Variants in OCA2 observed in about 807,000 individuals in gnomAD.
OCA2 encodes P protein.
Under a neutral mutation model 100.2 loss-of-function variants are expected in OCA2, and 77 were observed. The ratio of observed to expected loss-of-function variants is 0.77; its 90% CI spans 0.64 to 0.93. The LOEUF is 0.93. Among genes scored for constraint, OCA2 ranks in the 40% least tolerant of loss-of-function variants. The pLI is 0.00. For synonymous variants in OCA2, 432 were observed against 439.2 expected, an observed-to-expected ratio of 0.98 and a Z score of 0.21; for missense variants, 1,062 against 1,089.1, an observed-to-expected ratio of 0.98 and a Z score of 0.35.
chr15:27,807,332 T>C (rs540234440), intron 23 of OCA2, among the ~76,000 whole-genome samples: 1 of 152,246 alleles, frequency 6.6e-6, no homozygotes, highest in East Asian at 1.9e-4. Context: ...ACAGGGCAGC[T>C]GGGGGAGTCT....
intron 23 of OCA2, among the ~76,000 whole-genome samples, chr15:27,829,788 G>A (rs2034882831): frequency 6.6e-6 from 1 of 152,218 alleles, no homozygotes; most frequent in South Asian, 2.1e-4. Context: ...CGCCACTTTG[G>A]CTGGTGCAGA....
intron 19 of OCA2, among the ~76,000 whole-genome samples, chr15:27,881,792 C>A (rs2037027607): frequency 6.6e-6 from 1 of 151,886 alleles, no homozygotes. Context: ...TAGCAGTCTA[C>A]CTGTCCTATT....
chr15:27,763,722 T>G (rs2031027305), intron 23 of OCA2, among the ~76,000 whole-genome samples: 2 of 152,212 alleles, frequency 1.3e-5, no homozygotes, highest in South Asian at 4.1e-4. Flanking sequence ...GCAGGGCTGC[T>G]GGGCTGGGAG....
At chr15:27,783,218 A>G (rs2032635556) in intron 23 of OCA2, among the ~76,000 whole-genome samples, 1 of 152,204 alleles carries the variant, frequency 6.6e-6, no homozygotes, top group Non-Finnish European at 1.5e-5. Flanking sequence ...ATGAAAGTGA[A>G]AGTCATTCTT....
At chr15:27,726,216 C>T in the OCA2 span, among the ~76,000 whole-genome samples, 1 of 151,874 alleles carries the variant, frequency 6.6e-6, no homozygotes, top group East Asian at 1.9e-4. Context: ...GAGAATCGCT[C>T]TAATCTGAGA....
chr15:27,740,690 G>T, the OCA2 span, among the ~76,000 whole-genome samples: 1 of 152,266 alleles, frequency 6.6e-6, no homozygotes, highest in East Asian at 1.9e-4. Flanking sequence ...TGATCCTGAT[G>T]ACTGGAATCA....
chr15:27,875,822 G>T (rs1023700997), intron 19 of OCA2, among the ~76,000 whole-genome samples: 1 of 151,498 alleles, frequency 6.6e-6, no homozygotes. Context: ...CCAATTATGC[G>T]CTAGAATATG....
At chr15:28,060,994 T>C (rs2043856393) in intron 2 of OCA2, among the ~76,000 whole-genome samples, 1 of 152,198 alleles carries the variant, frequency 6.6e-6, no homozygotes, top group South Asian at 2.1e-4. Flanking sequence ...AGCAAGTGTT[T>C]AACATCACAG....
At chr15:27,850,904 ACT>A (rs1172600671) in intron 22 of OCA2, among the ~76,000 whole-genome samples, 1 of 151,392 alleles carries the variant, frequency 6.6e-6, no homozygotes, top group African/African-American at 2.4e-5. Context: ...CTCTCCCAAC[ACT>A]CTCTCTAATC....
At chr15:28,003,409 G>A (rs2041988388) in intron 9 of OCA2, among the ~76,000 whole-genome samples, 1 of 152,240 alleles carries the variant, frequency 6.6e-6, no homozygotes, top group African/African-American at 2.4e-5. Context: ...GACGAAAGAT[G>A]GCTCTAGAAG....
At chr15:28,068,484 T>A (rs189927266) in intron 2 of OCA2, among the ~76,000 whole-genome samples, 8 of 152,306 alleles carry the variant, frequency 5.3e-5, no homozygotes, top group Admixed American at 5.2e-4. Context: ...CTGGGCCAGA[T>A]GGATTCATAG....
intron 1 of OCA2, among the ~76,000 whole-genome samples, chr15:28,082,890 C>T (rs1000407529): frequency 2.0e-5 from 3 of 152,118 alleles, no homozygotes; most frequent in African/African-American, 7.2e-5. Flanking sequence ...TAAAGTAATG[C>T]TGTCCTACTT....
intron 23 of OCA2, among the ~76,000 whole-genome samples, chr15:27,835,138 C>T (rs2035100002): frequency 6.6e-6 from 1 of 152,198 alleles, no homozygotes; most frequent in Non-Finnish European, 1.5e-5. Context: ...GGCCTTTGTA[C>T]CACTTAGGGC....
In OCA2 at chr15:27,997,499, G is replaced by A. The variant is rs545484021; in HGVS notation, c.1045-6852C>T. Among the ~76,000 whole-genome samples the A allele has an allele frequency of 2.0e-3, 296 of 151,728 alleles. 2 individuals carry two copies. Among genetic ancestry groups the A allele is most frequent in the African/African-American group, 6.8e-3 (284 of 41,462 alleles). ...GATCAGATAGTTGTAGATATGCGGC[G>A]TTATTTCTGAGGGCTCTGTTCTGTT... On this transcript the variant is annotated intron_variant, in intron 9 of 23. Coordinates refer to ENST00000354638, the MANE Select transcript of OCA2 (RefSeq NM_000275.3).
intron 19 of OCA2, among the ~76,000 whole-genome samples, chr15:27,887,405 G>GC (rs966875908): frequency 4.6e-5 from 7 of 151,328 alleles, no homozygotes; most frequent in African/African-American, 1.2e-4. Flanking sequence ...AGGGGAACAT[G>GC]CCCCCCTGGC....
intron 18 of OCA2, among the ~76,000 whole-genome samples, chr15:27,948,018 C>T (rs1014097838): frequency 6.6e-6 from 1 of 152,144 alleles, no homozygotes; most frequent in Admixed American, 6.5e-5. Flanking sequence ...TTTGTTCGTG[C>T]ATCCTGAGAA....
chr15:27,951,818 G>A lies in OCA2; in HGVS notation c.1917C>T (p.Leu639=). The change falls in exon 18 of 24, where the codon CTC becomes CTT. Residue 639 remains leucine (L), a synonymous_variant. Transcript: ENST00000354638. ...GATGAATGCCAGGGACAAACGAATT[G>A]AGGAAAAACATGAAGATAACAAATC... The part of the protein sequence containing the change: ...VLGFVIFMFF[L]NSFVPGIHLD... 1 of 1,613,678 alleles carries A rather than the reference G, an allele frequency of 6.2e-7. No homozygotes were observed. The highest frequency in any genetic ancestry group is 1.1e-5 in the South Asian group (1 of 91,050).
At chr15:28,032,805 A>AC (rs1394750187) in intron 2 of OCA2, among the ~76,000 whole-genome samples, 17 of 151,824 alleles carry the variant, frequency 1.1e-4, no homozygotes, top group Non-Finnish European at 1.3e-4. Flanking sequence ...AAAAAAAAAA[A>AC]AAAACAAAAC....
At chr15:27,841,124 A>T (rs2035326636) in intron 23 of OCA2, among the ~76,000 whole-genome samples, 1 of 152,244 alleles carries the variant, frequency 6.6e-6, no homozygotes, top group African/African-American at 2.4e-5. Flanking sequence ...CATGGAGTGC[A>T]ATGCAAAGAA....
Sources: allele counts gnomAD v4.1 joint callset (sites outside exome capture counted in the v4.1 genomes callset), GRCh38; gene constraint gnomAD v4.1.1; transcripts MANE v1.5; gene names NCBI Gene and HGNC (gene_info 2026-07-23, HGNC 2026-07-21).